DMXL1: variants seen among roughly 807,000 people sequenced by gnomAD.
DMXL1 encodes Dmx like 1.
A neutral mutation model predicts 319.2 loss-of-function variants in DMXL1; 99 were observed. That is an observed-to-expected ratio of 0.31 (90% CI 0.26 to 0.37). The LOEUF (loss-of-function observed/expected upper bound fraction) is 0.37. Ranked by LOEUF, DMXL1 falls within the 10% of genes least tolerant of loss-of-function variation. The pLI is 1.00. For synonymous variants in DMXL1, 1,385 were observed against 1,235.2 expected (o/e 1.12, Z -2.54); for missense variants, 3,745 against 3,595.6 (o/e 1.04, Z -1.06).
chr5:119,233,490 G>C, intron 39 of DMXL1, 23 bp downstream of exon 39: 1 of 1,597,352 alleles, frequency 6.3e-7, no homozygotes. Flanking sequence ...AATGTAAATG[G>C]TAAAAAATTT....
In DMXL1 at chr5:119,173,730, A is replaced by G. The variant is rs952195581; in HGVS notation, c.6682-1531A>G. 2.4e-3 allele frequency among the ~76,000 whole-genome samples: 220 copies of G among 90,898 alleles called. 2 individuals carry two copies. The highest frequency in any genetic ancestry group is 2.9e-3 in the Non-Finnish European group (131 of 45,628). 59.6% of individuals were successfully genotyped at this position (90,898 alleles called of 152,430 possible). A position where few individuals can be genotyped will look rare whatever the true frequency, so the allele number is the denominator to read the frequency against. On this transcript the variant is annotated intron_variant, in intron 25 of 43. Coordinates refer to ENST00000539542, the MANE Select transcript of DMXL1 (RefSeq NM_001290321.3). ...TATATGTGTGTGTGTATATATATAT[A>G]TGTGTGTATATATATATGTGTGTGT...
intron 28 of DMXL1, among the ~76,000 whole-genome samples, chr5:119,185,425 A>G (rs944447023): frequency 1.3e-5 from 2 of 152,194 alleles, no homozygotes; most frequent in Non-Finnish European, 2.9e-5. Flanking sequence ...GATACGGTGT[A>G]TGGTAATGAT....
intron 9 of DMXL1, 102 bp from the exon 10 acceptor site, chr5:119,129,109 G>C (rs1764240872): frequency 2.7e-6 from 2 of 747,862 alleles, no homozygotes. Context: ...AGGACTTTCA[G>C]GCAAACAAAA....
At chr5:119,183,648 T>C (rs897619111) in intron 28 of DMXL1, among the ~76,000 whole-genome samples, 2 of 151,944 alleles carry the variant, frequency 1.3e-5, no homozygotes, top group South Asian at 2.1e-4. Context: ...AATTTTTGTG[T>C]TTTTTGGTAG....
At chr5:119,153,565 A>G (rs1309708766) in intron 19 of DMXL1, among the ~76,000 whole-genome samples, 2 of 152,176 alleles carry the variant, frequency 1.3e-5, no homozygotes, top group Non-Finnish European at 2.9e-5. Context: ...CCTTTGACCA[A>G]TGTCTCCCTT....
At chr5:119,094,690 G>A (rs1472549558) in intron 1 of DMXL1, among the ~76,000 whole-genome samples, 1 of 152,028 alleles carries the variant, frequency 6.6e-6, no homozygotes, top group African/African-American at 2.4e-5. Flanking sequence ...TTCTGGAAAG[G>A]CTTCACCATT....
chr5:119,091,107 A>G (rs1754707180), intron 1 of DMXL1, among the ~76,000 whole-genome samples: 1 of 152,040 alleles, frequency 6.6e-6, no homozygotes, highest in African/African-American at 2.4e-5. Context: ...CCTTAAAACT[A>G]TTTTGAATTC....
chr5:119,222,063 C>A (rs534887702), intron 37 of DMXL1, among the ~76,000 whole-genome samples: 1 of 152,022 alleles, frequency 6.6e-6, no homozygotes, highest in African/African-American at 2.4e-5. Flanking sequence ...AATTATTTTT[C>A]ATTAATTAGT....
intron 19 of DMXL1, among the ~76,000 whole-genome samples, chr5:119,161,429 G>C (rs1055004469): frequency 1.3e-5 from 2 of 152,242 alleles, no homozygotes; most frequent in African/African-American, 4.8e-5. Flanking sequence ...AGGTTAGGCA[G>C]AGTTGTTACT....
At chr5:119,193,631 A>C (rs961092998) in intron 29 of DMXL1, among the ~76,000 whole-genome samples, 197 bp from the exon 30 acceptor site, 4 of 152,148 alleles carry the variant, frequency 2.6e-5, no homozygotes, top group African/African-American at 9.7e-5. Flanking sequence ...ATACTTAATA[A>C]ATTTTTGCTG....
chr5:119,164,789 G>C (rs889857313), intron 20 of DMXL1, 113 bp downstream of exon 20: 5 of 895,218 alleles, frequency 5.6e-6, no homozygotes, highest in Non-Finnish European at 8.3e-6. Flanking sequence ...GCAGCAAAAG[G>C]CTTTTGAATA....
chr5:119,099,719 T>A (rs988292478), intron 2 of DMXL1, among the ~76,000 whole-genome samples: 1 of 152,178 alleles, frequency 6.6e-6, no homozygotes, highest in Non-Finnish European at 1.5e-5. Context: ...GAAGAAATCA[T>A]GGCCATGTGT....
rs199521272 is a variant in DMXL1 at position 119,149,221 on chromosome 5, A to G, written c.3394A>G (p.Ile1132Val). Reference sequence around the variant, plus strand: ...CATGTATTTATCTAGTAAAGAGAATATCACATCAAACACAAAGCATTTAGT... The same window carrying G: ...CATGTATTTATCTAGTAAAGAGAATGTCACATCAAACACAAAGCATTTAGT... ...QDMYLSSKEN[I>V]TSNTKHLVHL... Residue 1132 changes from isoleucine to valine, a missense_variant, in exon 18 of 44, where the codon ATC (isoleucine) becomes GTC (valine). Coordinates refer to ENST00000539542, the MANE Select transcript of DMXL1 (RefSeq NM_001290321.3). 24 of 1,613,966 alleles carry G rather than the reference A, an allele frequency of 1.5e-5. No individual in the cohort carries two copies. The highest frequency in any genetic ancestry group is 2.2e-5 in the East Asian group (1 of 44,884).
At chr5:119,236,543 TAATA>T (rs929148300) in intron 39 of DMXL1, 6 of 151,974 alleles carry the variant, frequency 3.9e-5, no homozygotes, top group African/African-American at 1.4e-4. Flanking sequence ...AAGATAGCTA[TAATA>T]AATAAAAAAT....
chr5:119,113,693 G>A lies in DMXL1; in HGVS notation c.498-782G>A, dbSNP rs748128476. ...CATTGGCTTTGTCTGAGGAAAGGAT[G>A]TGGTGGTACTGGTGAAAAATGTAAA... On this transcript the variant is annotated intron_variant, in intron 5 of 43. Coordinates refer to ENST00000539542, the MANE Select transcript of DMXL1 (RefSeq NM_001290321.3). Among the ~76,000 whole-genome samples the A allele has an allele frequency of 1.6e-4, 24 of 152,206 alleles. 1 individual carries two copies. Among genetic ancestry groups the A allele is most frequent in the Non-Finnish European group, 2.8e-4 (19 of 68,032 alleles).
At chr5:119,173,774 G>GTGTGTGTATA (rs1775171027) in intron 25 of DMXL1, among the ~76,000 whole-genome samples, 3 of 33,662 alleles carry the variant, frequency 8.9e-5, no homozygotes, top group African/African-American at 4.3e-4. Flanking sequence ...ATATGTGTGT[G>GTGTGTGTATA]TGTATATATA....
intron 24 of DMXL1, 62 bp downstream of exon 24, chr5:119,171,342 T>C: frequency 6.7e-7 from 1 of 1,500,770 alleles, no homozygotes; most frequent in South Asian, 1.4e-5. Flanking sequence ...GGTGTTTCTT[T>C]TTTGGTTTTG....
intron 1 of DMXL1, chr5:119,081,532 A>G (rs1752190739): frequency 3.1e-6 from 3 of 975,896 alleles, no homozygotes; most frequent in Middle Eastern, 5.2e-4. Flanking sequence ...GTCAATTAAC[A>G]GGTATATATA....
intron 9 of DMXL1, among the ~76,000 whole-genome samples, chr5:119,121,696 C>T (rs183578513): frequency 0.031 from 4,666 of 152,306 alleles, 223 homozygotes; most frequent in African/African-American, 0.11. Flanking sequence ...TACACAGACA[C>T]GGCAACCATC....
Sources: allele counts gnomAD v4.1 joint callset (sites outside exome capture counted in the v4.1 genomes callset), GRCh38; gene constraint gnomAD v4.1.1; transcripts MANE v1.5; gene names NCBI Gene and HGNC (gene_info 2026-07-23, HGNC 2026-07-21).